MTA3: variants seen among roughly 807,000 people sequenced by gnomAD.
MTA3 encodes metastasis-associated protein MTA3.
In MTA3, 34 loss-of-function variants were observed where a neutral mutation model predicts 83.5. The ratio of observed to expected loss-of-function variants is 0.41; its 90% confidence interval spans 0.31 to 0.54. The LOEUF (loss-of-function observed/expected upper bound fraction) is 0.54, where lower values mean the gene tolerates loss of function less well. MTA3 is among the 20% of genes least tolerant of loss of function. The probability of loss-of-function intolerance (pLI) is 0.33; values close to 1 mark genes in which losing one functional copy is unlikely to be tolerated. For synonymous variants in MTA3, 303 were observed against 252.7 expected (o/e 1.20, Z -1.89); for missense variants, 761 against 726.4 (o/e 1.05, Z -0.55).
At chr2:42,618,108 G>A (rs968712391) in intron 4 of MTA3, among the ~76,000 whole-genome samples, 3 of 151,870 alleles carry the variant, frequency 2.0e-5, no homozygotes, top group African/African-American at 2.4e-5. Flanking sequence ...CCATACCTGG[G>A]TAATGTAAAA....
intron 9 of MTA3, among the ~76,000 whole-genome samples, chr2:42,693,536 G>A (rs567885840): frequency 3.3e-5 from 5 of 152,292 alleles, no homozygotes; most frequent in African/African-American, 1.2e-4. Context: ...CACTATTGGG[G>A]GTGGGGGTAG....
At chr2:42,548,583 G>C (rs1367316977) in intron 2 of MTA3, among the ~76,000 whole-genome samples, 2 of 150,334 alleles carry the variant, frequency 1.3e-5, no homozygotes, top group Non-Finnish European at 2.9e-5. Context: ...CTTGAGCCCG[G>C]GAGTTCAAGA....
intron 8 of MTA3, among the ~76,000 whole-genome samples, chr2:42,661,455 A>G (rs956301873): frequency 2.0e-5 from 3 of 148,028 alleles, no homozygotes; most frequent in South Asian, 2.1e-4. Flanking sequence ...AGCTGAGATC[A>G]TGCTCATGCC....
intron 2 of MTA3, among the ~76,000 whole-genome samples, chr2:42,502,869 A>G (rs776551939): frequency 1.3e-5 from 2 of 151,546 alleles, no homozygotes; most frequent in South Asian, 4.2e-4. Flanking sequence ...AGGCTGAGGC[A>G]GGAGAATCAC....
intron 16 of MTA3, among the ~76,000 whole-genome samples, chr2:42,750,583 T>C (rs918104998): frequency 6.6e-6 from 1 of 152,220 alleles, no homozygotes; most frequent in East Asian, 1.9e-4. Flanking sequence ...TATTTTCTCA[T>C]GGGCTTGTCA....
In MTA3 at chr2:42,640,843, G is replaced by C. The variant is rs193275737; in HGVS notation, c.381+607G>C. On this transcript the variant is annotated intron_variant, in intron 5 of 16. Coordinates refer to ENST00000405094, the MANE Select transcript of MTA3 (RefSeq NM_001330442.2). ...TGGTGGGAAACATATTTTAGTATCA[G>C]TGATGCTTCAGTATTTAATCTTTAT... 7.9e-4 allele frequency among the ~76,000 whole-genome samples: 120 copies of C among 152,286 alleles called. 1 individual carries two copies. Among genetic ancestry groups the C allele is most frequent in the Admixed American group, 1.8e-3 (28 of 15,290 alleles).
chr2:42,738,012 A>C (rs1668732854), intron 16 of MTA3, among the ~76,000 whole-genome samples: 1 of 152,176 alleles, frequency 6.6e-6, no homozygotes, highest in Non-Finnish European at 1.5e-5. Context: ...CTGTAATCCC[A>C]ACACTTTGGG....
intron 2 of MTA3, among the ~76,000 whole-genome samples, chr2:42,506,675 T>G (rs186695327): frequency 1.3e-5 from 2 of 152,068 alleles, no homozygotes; most frequent in East Asian, 3.9e-4. Flanking sequence ...GGAGTCTCTG[T>G]CTGTTTTCCA....
intron 11 of MTA3, chr2:42,703,023 G>A (rs562143402): frequency 6.6e-6 from 1 of 152,300 alleles, no homozygotes; most frequent in South Asian, 2.1e-4. Context: ...ACAGTGGCAT[G>A]ATCATGGCTC....
At chr2:42,635,188 C>T (rs916795246) in intron 4 of MTA3, among the ~76,000 whole-genome samples, 1 of 152,196 alleles carries the variant, frequency 6.6e-6, no homozygotes, top group Non-Finnish European at 1.5e-5. Context: ...CTTCTGAAAG[C>T]ATTTTGCATC....
intron 9 of MTA3, among the ~76,000 whole-genome samples, chr2:42,695,140 A>G (rs1573651244): frequency 6.6e-6 from 1 of 152,132 alleles, no homozygotes; most frequent in African/African-American, 2.4e-5. Context: ...ATAAAAAGAG[A>G]AAGAAATGTT....
At chr2:42,566,304 A>C (rs1677909058), upstream of MTA3, among the ~76,000 whole-genome samples, 1 of 151,978 alleles carries the variant, frequency 6.6e-6, no homozygotes, top group African/African-American at 2.4e-5. Flanking sequence ...TTATGTGTGA[A>C]CCTCTCTGGA....
intron 9 of MTA3, among the ~76,000 whole-genome samples, chr2:42,691,452 G>T (rs1009542535): frequency 6.6e-6 from 1 of 151,960 alleles, no homozygotes; most frequent in African/African-American, 2.4e-5. Context: ...ACTTTTTGTT[G>T]ATTCTGTGTC....
chr2:42,625,378 G>A (rs935344111), intron 4 of MTA3, among the ~76,000 whole-genome samples: 2 of 151,526 alleles, frequency 1.3e-5, no homozygotes, highest in Non-Finnish European at 2.9e-5. Flanking sequence ...TTTTGGAGGT[G>A]GAGGTCCCTG....
chr2:42,709,110 A>C lies in MTA3; in HGVS notation c.1525+14A>C, dbSNP rs199623835. ...TTAGGGCAGAATGTAAGATGCTTTT[A>C]AATTCTTAACCTTATATGTTGTGCT... On this transcript the variant is annotated intron_variant, in intron 14 of 16. Coordinates refer to ENST00000405094, the MANE Select transcript of MTA3 (RefSeq NM_001330442.2). The C allele has an allele frequency of 2.9e-5, 45 of 1,572,012 alleles. No individual in the cohort carries two copies. Among genetic ancestry groups the C allele is most frequent in the Non-Finnish European group, 3.3e-5 (38 of 1,158,282 alleles).
At chr2:42,604,543 TCTTA>T (rs1423009840) in intron 3 of MTA3, among the ~76,000 whole-genome samples, 4 of 151,918 alleles carry the variant, frequency 2.6e-5, no homozygotes, top group African/African-American at 4.8e-5. Flanking sequence ...GCTCGATAAT[TCTTA>T]CTTGGTCTGC....
chr2:42,699,152 G>C (rs934956367), intron 11 of MTA3, among the ~76,000 whole-genome samples: 16 of 152,128 alleles, frequency 1.1e-4, no homozygotes, highest in Non-Finnish European at 1.9e-4. Flanking sequence ...AACTATAGTC[G>C]CAAGCCAAAT....
At chr2:42,697,640 C>T (rs1055420091) in intron 10 of MTA3, 136 bp from the exon 11 acceptor site, 2 of 599,856 alleles carry the variant, frequency 3.3e-6, no homozygotes, top group East Asian at 6.5e-5. Context: ...TAAGAATATG[C>T]ATATGAAAGA....
At chr2:42,620,827 C>T (rs898578491) in intron 4 of MTA3, among the ~76,000 whole-genome samples, 8 of 152,152 alleles carry the variant, frequency 5.3e-5, no homozygotes, top group Non-Finnish European at 8.8e-5. Context: ...TTGTTTGAAT[C>T]GTGAGCTGAA....
Sources: allele counts gnomAD v4.1 joint callset (sites outside exome capture counted in the v4.1 genomes callset), GRCh38; gene constraint gnomAD v4.1.1; transcripts MANE v1.5; gene names NCBI Gene and HGNC (gene_info 2026-07-23, HGNC 2026-07-21).